The following AGMO variants were observed in gnomAD, a reference collection of about 807,000 sequenced individuals.
The protein encoded by AGMO is alkylglycerol monooxygenase, also known as glyceryl-ether monooxygenase.
AGMO carries 75 observed loss-of-function variants against 60.2 expected under a neutral mutation model. That is an observed-to-expected ratio of 1.25 (90% CI 1.03 to 1.51). The LOEUF (loss-of-function observed/expected upper bound fraction) is 1.51, where lower values mean the gene tolerates loss of function less well. AGMO is among the 40% of genes most tolerant of loss of function. The pLI is 0.00. For synonymous variants in AGMO, 261 were observed against 177.1 expected (o/e 1.47, Z -3.76); for missense variants, 763 against 525.5 (o/e 1.45, Z -4.42).
chr7:15,244,665 T>G (rs1782689739), intron 12 of AGMO, among the ~76,000 whole-genome samples: 1 of 152,312 alleles, frequency 6.6e-6, no homozygotes, highest in Admixed American at 6.5e-5. Flanking sequence ...TTTGTTTTTT[T>G]GGAGACAGAG....
At chr7:15,315,148 G>C (rs564401532) in intron 12 of AGMO, among the ~76,000 whole-genome samples, 29 of 152,090 alleles carry the variant, frequency 1.9e-4, no homozygotes, top group African/African-American at 6.7e-4. Context: ...GATTAGCCAA[G>C]CTTGACGTAC....
rs187898493 is a variant in AGMO at position 15,366,498 on chromosome 7, A to G, written c.1075-276T>C. Among the ~76,000 whole-genome samples, 54 of 152,072 alleles carry G rather than the reference A, an allele frequency of 3.6e-4. No homozygotes were observed. The South Asian group carries it at 4.6e-3, about 13-fold the overall frequency. On this transcript the variant is annotated intron_variant, in intron 10 of 12. Coordinates refer to ENST00000342526, the MANE Select transcript of AGMO (RefSeq NM_001004320.2). ...ATTATCCTTTAAAGTTTTGACTTTT[A>G]TAATTTTTTGAAGCATGTGAGTCCC...
intron 12 of AGMO, among the ~76,000 whole-genome samples, chr7:15,261,610 T>A (rs1783272873): frequency 6.6e-6 from 1 of 151,826 alleles, no homozygotes; most frequent in Non-Finnish European, 1.5e-5. Context: ...TGACACTATC[T>A]AAAAGATAAA....
chr7:15,558,655 C>A (rs1020315267), intron 2 of AGMO, among the ~76,000 whole-genome samples: 2 of 151,986 alleles, frequency 1.3e-5, no homozygotes, highest in African/African-American at 2.4e-5. Flanking sequence ...CAAAATGCAA[C>A]AATTACAAGT....
intron 3 of AGMO, among the ~76,000 whole-genome samples, chr7:15,449,298 A>T (rs1168250551): frequency 6.6e-6 from 1 of 151,462 alleles, no homozygotes; most frequent in African/African-American, 2.4e-5. Flanking sequence ...ATTCCCTACA[A>T]GCCTGAAATT....
At chr7:15,531,129 T>C (rs1583654412) in intron 3 of AGMO, among the ~76,000 whole-genome samples, 1 of 72,938 alleles carries the variant, frequency 1.4e-5, no homozygotes, top group African/African-American at 5.9e-5. Flanking sequence ...ATATATATTC[T>C]GTATATATTC....
chr7:15,298,942 C>A (rs1262876534), intron 12 of AGMO, among the ~76,000 whole-genome samples: 1 of 152,126 alleles, frequency 6.6e-6, no homozygotes, highest in Non-Finnish European at 1.5e-5. Context: ...ACCTTAACTC[C>A]CCGTGATATT....
intron 12 of AGMO, among the ~76,000 whole-genome samples, chr7:15,219,924 T>G (rs887579310): frequency 6.6e-6 from 1 of 152,128 alleles, no homozygotes; most frequent in Non-Finnish European, 1.5e-5. Context: ...GCTTATTACA[T>G]GTTTCCTGCA....
intron 10 of AGMO, among the ~76,000 whole-genome samples, chr7:15,378,176 A>G (rs111596381): frequency 1.3e-5 from 2 of 152,132 alleles, no homozygotes; most frequent in African/African-American, 4.8e-5. Flanking sequence ...ATACAAGTCG[A>G]TTTCATGTTT....
intron 9 of AGMO, 94 bp from the exon 10 acceptor site, chr7:15,385,656 AT>A (rs11331867): frequency 0.061 from 44,564 of 736,524 alleles, 5,619 homozygotes; most frequent in African/African-American, 0.42. Flanking sequence ...AGTATCTGCT[AT>A]TTTTTTTAAA....
At chr7:15,262,878 A>T (rs994433108) in intron 12 of AGMO, among the ~76,000 whole-genome samples, 7 of 152,114 alleles carry the variant, frequency 4.6e-5, no homozygotes, top group African/African-American at 1.7e-4. Context: ...GGCAAGCCAC[A>T]TGTAGAAGAA....
chr7:15,341,896 T>A (rs1383455424), intron 12 of AGMO, among the ~76,000 whole-genome samples: 1 of 151,966 alleles, frequency 6.6e-6, no homozygotes, highest in Non-Finnish European at 1.5e-5. Flanking sequence ...ATATTCACTA[T>A]CATGAGAACA....
At chr7:15,475,589 T>C (rs989467635) in intron 3 of AGMO, among the ~76,000 whole-genome samples, 8 of 151,946 alleles carry the variant, frequency 5.3e-5, no homozygotes, top group African/African-American at 1.7e-4. Flanking sequence ...CTAATGTAGA[T>C]GATGGGTTGA....
intron 3 of AGMO, among the ~76,000 whole-genome samples, chr7:15,491,717 C>T (rs1012580771): frequency 2.0e-5 from 3 of 152,126 alleles, no homozygotes; most frequent in Non-Finnish European, 2.9e-5. Context: ...TTCACTCTTT[C>T]GCATTTGTGA....
chr7:15,475,635 A>G (rs1296055877), intron 3 of AGMO, among the ~76,000 whole-genome samples: 2 of 152,048 alleles, frequency 1.3e-5, no homozygotes, highest in Non-Finnish European at 1.5e-5. Context: ...GTGTATACCT[A>G]TGTAACAAAT....
intron 12 of AGMO, among the ~76,000 whole-genome samples, chr7:15,266,958 T>C (rs576473631): frequency 6.6e-6 from 1 of 152,052 alleles, no homozygotes; most frequent in Non-Finnish European, 1.5e-5. Context: ...TCTAAAACAG[T>C]GACATAATGT....
chr7:15,354,457 C>CGTGTATAT (rs1782421554), intron 12 of AGMO, among the ~76,000 whole-genome samples: 1 of 17,588 alleles, frequency 5.7e-5, no homozygotes, highest in Non-Finnish European at 9.0e-5. Context: ...TGTGTGTATA[C>CGTGTATAT]ACACGTGTGT....
chr7:15,528,937 C>A (rs1384417158), intron 3 of AGMO, among the ~76,000 whole-genome samples: 1 of 152,028 alleles, frequency 6.6e-6, no homozygotes, highest in Admixed American at 6.6e-5. Context: ...CATGAGACAC[C>A]GCGCCCGGCC....
intron 10 of AGMO, among the ~76,000 whole-genome samples, chr7:15,375,858 G>C (rs537680919): frequency 6.6e-6 from 1 of 152,050 alleles, no homozygotes; most frequent in Admixed American, 6.6e-5. Context: ...CATTGTGTTT[G>C]TTATGTAACT....
Sources: allele counts gnomAD v4.1 joint callset (sites outside exome capture counted in the v4.1 genomes callset), GRCh38; gene constraint gnomAD v4.1.1; transcripts MANE v1.5; gene names NCBI Gene and HGNC (gene_info 2026-07-23, HGNC 2026-07-21).